The following LPIN2 variants were observed in gnomAD, a reference collection of about 807,000 sequenced individuals.
The protein encoded by LPIN2 is phosphatidate phosphatase LPIN2.
In LPIN2, 55 loss-of-function variants were observed where a neutral mutation model predicts 111.4. The observed-to-expected ratio is 0.49, with a 90% CI of 0.40 to 0.62. The LOEUF is 0.62. Among genes scored for constraint, LPIN2 ranks in the 20% least tolerant of loss-of-function variants. The pLI is 0.00. For missense variants in LPIN2, 992 were observed against 1,112.1 expected, an observed-to-expected ratio of 0.89 and a Z score of 1.54; for synonymous variants, 425 against 414.0, an observed-to-expected ratio of 1.03 and a Z score of -0.32.
chr18:2,937,179 A>G (rs906790150), intron 7 of LPIN2, among the ~76,000 whole-genome samples: 2 of 152,310 alleles, frequency 1.3e-5, no homozygotes, highest in South Asian at 2.1e-4. Context: ...GTCAAGAGAC[A>G]GCAGTGTGCA....
At chr18:2,984,747 G>A (rs1055088136) in intron 1 of LPIN2, among the ~76,000 whole-genome samples, 6 of 152,072 alleles carry the variant, frequency 3.9e-5, no homozygotes, top group Non-Finnish European at 8.8e-5. Context: ...CCAGAAAGAG[G>A]TCAGGCAATT....
chr18:2,929,092 G>A lies in LPIN2; in HGVS notation c.1523C>T (p.Pro508Leu). The change falls in exon 10 of 20, where the codon CCT (proline) becomes CTT (leucine). Residue 508 changes from proline to leucine, a missense_variant. Physicochemically the swap from Pro to Leu is moderately conservative, Grantham distance 98. Transcript: ENST00000677752. ...FAENPGLIDN[P>L]NLVIRIYNRY... is the part of the protein sequence containing the mutation. ...ATTATATATCCTTATTACAAGGTTAGGATTGTCTATAAGTCCAGGGTTTTC... is the reference window on the plus strand; with the variant it reads ...ATTATATATCCTTATTACAAGGTTAAGATTGTCTATAAGTCCAGGGTTTTC... The A allele has an allele frequency of 6.3e-7, 1 of 1,599,132 alleles. No homozygotes were observed. The highest frequency in any genetic ancestry group is 1.7e-5 in the Admixed American group (1 of 59,992).
chr18:2,963,735 G>A (rs1239951705), intron 1 of LPIN2, among the ~76,000 whole-genome samples: 1 of 151,896 alleles, frequency 6.6e-6, no homozygotes, highest in African/African-American at 2.4e-5. Flanking sequence ...TCACAGAGCA[G>A]CATCCCTATC....
intron 4 of LPIN2, among the ~76,000 whole-genome samples, chr18:2,943,200 TTTCTG>T (rs1345427804): frequency 1.3e-5 from 2 of 148,256 alleles, no homozygotes; most frequent in East Asian, 1.9e-4. Context: ...CTCAGTTTTT[TTTCTG>T]TTTTGTTTTT....
chr18:2,985,571 A>G (rs555965081), intron 1 of LPIN2, among the ~76,000 whole-genome samples: 2 of 152,318 alleles, frequency 1.3e-5, no homozygotes, highest in South Asian at 4.1e-4. Context: ...AATCCTGTTC[A>G]GATTCCACAG....
At chr18:2,982,933 AG>A (rs1421574658) in intron 1 of LPIN2, 3 of 352,730 alleles carry the variant, frequency 8.5e-6, no homozygotes. Flanking sequence ...TGCATACACA[AG>A]TTTACCAATG....
At chr18:3,000,077 A>G (rs2078410444) in intron 1 of LPIN2, among the ~76,000 whole-genome samples, 1 of 146,580 alleles carries the variant, frequency 6.8e-6, no homozygotes, top group Admixed American at 6.9e-5. Context: ...GAGGAGGAAG[A>G]GGAGAAGGAG....
At chr18:2,974,937 T>C (rs1315642826) in intron 1 of LPIN2, among the ~76,000 whole-genome samples, 1 of 152,194 alleles carries the variant, frequency 6.6e-6, no homozygotes, top group Non-Finnish European at 1.5e-5. Flanking sequence ...GTGAAGGCTG[T>C]AGTGTGAGCC....
intron 1 of LPIN2, among the ~76,000 whole-genome samples, chr18:2,985,610 CTTCT>C (rs2078176774): frequency 1.3e-5 from 2 of 151,914 alleles, no homozygotes; most frequent in Non-Finnish European, 2.9e-5. Context: ...AAATATATAC[CTTCT>C]TTGTTTTTGT....
In LPIN2 at chr18:2,959,865, T is replaced by TA. The variant is rs202033074; in HGVS notation, c.192+783dup. Among the ~76,000 whole-genome samples, 1,412 of 147,964 alleles carry TA rather than the reference T, an allele frequency of 9.5e-3. 16 individuals carry two copies. The highest frequency in any genetic ancestry group is 0.032 in the African/African-American group (1,288 of 40,594). ...AAATGTGGCATTAATTAATTTCCTT[T>TA]AAAAAAAAAAATATGGCCAGGTGCG... On this transcript the variant is annotated intron_variant, in intron 2 of 19. Coordinates refer to ENST00000677752, the MANE Select transcript of LPIN2 (RefSeq NM_001375808.2).
intron 14 of LPIN2, 138 bp from the exon 15 acceptor site, chr18:2,924,684 C>A: frequency 2.4e-6 from 2 of 847,704 alleles, no homozygotes; most frequent in East Asian, 2.6e-5. Flanking sequence ...ACAGCCCACC[C>A]TGTGCCCAGC....
chr18:3,004,629 A>G (rs1489033634), intron 1 of LPIN2, among the ~76,000 whole-genome samples: 1 of 152,118 alleles, frequency 6.6e-6, no homozygotes, highest in Non-Finnish European at 1.5e-5. Context: ...ACGAGGGAAA[A>G]TCCTTGAAGA....
intron 15 of LPIN2, among the ~76,000 whole-genome samples, chr18:2,924,082 G>A (rs1167649178): frequency 2.0e-5 from 3 of 152,140 alleles, no homozygotes; most frequent in East Asian, 1.9e-4. Context: ...GTGTGTGTTC[G>A]GAGGTAACTG....
intron 5 of LPIN2, 40 bp from the exon 6 acceptor site, chr18:2,939,643 G>A (rs1293616312): frequency 6.2e-7 from 1 of 1,607,470 alleles, no homozygotes; most frequent in Non-Finnish European, 8.5e-7. Flanking sequence ...TTGAAAGTCG[G>A]GAAACCTTCA....
chr18:2,974,004 A>G (rs1257018245), intron 1 of LPIN2, among the ~76,000 whole-genome samples: 4 of 152,138 alleles, frequency 2.6e-5, no homozygotes, highest in Non-Finnish European at 5.9e-5. Context: ...GTGTGAACAT[A>G]ATTTCATTTT....
intron 1 of LPIN2, chr18:2,991,010 C>G: frequency 1.8e-6 from 1 of 569,082 alleles, no homozygotes; most frequent in Admixed American, 1.9e-5. Context: ...ATGCCTGGGC[C>G]CCCAATGATG....
At chr18:2,929,012 C>A in intron 10 of LPIN2, 53 bp downstream of exon 10, 1 of 1,186,916 alleles carries the variant, frequency 8.4e-7, no homozygotes, top group Non-Finnish European at 1.3e-6. Flanking sequence ...AAAAATGGCA[C>A]TTGTAAAAAA....
At chr18:2,968,971 G>GAA (rs953073773) in intron 1 of LPIN2, among the ~76,000 whole-genome samples, 1 of 152,208 alleles carries the variant, frequency 6.6e-6, no homozygotes, top group Admixed American at 6.5e-5. Context: ...AGGGAGCTGA[G>GAA]AATCAGTTAG....
At chr18:2,992,345 T>C (rs890432725) in intron 1 of LPIN2, among the ~76,000 whole-genome samples, 2 of 152,164 alleles carry the variant, frequency 1.3e-5, no homozygotes, top group African/African-American at 2.4e-5. Context: ...ATTCCAATTA[T>C]GTGAAATATC....
Sources: gnomAD v4.1 joint callset for allele counts (sites outside exome capture counted in the v4.1 genomes callset) on GRCh38, gnomAD v4.1.1 for gene constraint, MANE v1.5 for transcripts, NCBI Gene and HGNC (gene_info 2026-07-23, HGNC 2026-07-21) for gene names.